The following FNBP1L variants were observed in gnomAD, a reference collection of about 807,000 sequenced individuals.
FNBP1L encodes the protein formin binding protein 1 like.
Under a neutral mutation model 91.2 loss-of-function variants are expected in FNBP1L, and 36 were observed. The observed-to-expected ratio is 0.39, with a 90% CI of 0.30 to 0.52. The LOEUF (loss-of-function observed/expected upper bound fraction) is 0.52. Among genes scored for constraint, FNBP1L ranks in the 20% least tolerant of loss-of-function variants. FNBP1L has a pLI of 0.66. For synonymous variants in FNBP1L, 242 were observed against 237.0 expected (o/e 1.02, Z -0.19); for missense variants, 571 against 732.1 (o/e 0.78, Z 2.54).
rs977875228 is a variant in FNBP1L, at chr1:93,529,728, C to G, written c.482C>G (p.Thr161Ser). 4 of 1,526,972 alleles carry G rather than the reference C, an allele frequency of 2.6e-6. No individual in the cohort carries two copies. Among genetic ancestry groups the G allele is most frequent in the East Asian group, 2.5e-5 (1 of 40,212 alleles). The allele number at this position is 1,526,972 out of a possible 1,614,324, so 94.6% of individuals were successfully genotyped here. A position where few individuals can be genotyped will look rare whatever the true frequency, so the allele number is the denominator to read the frequency against. ...QQSYERLDNDTNATKADVEKA... is the reference protein window; with the variant it reads ...QQSYERLDNDSNATKADVEKA... ...AGTTATGAAAGATTGGATAATGATA[C>G]TAATGCAACCAAGGCAGATGTTGAA... Residue 161 changes from threonine to serine, a missense_variant, in exon 6 of 17, where the codon ACT (threonine) becomes AGT (serine). By Grantham distance (58) the Thr-to-Ser change is moderately conservative (BLOSUM62 1). Coordinates refer to ENST00000271234, the MANE Select transcript of FNBP1L (RefSeq NM_001164473.3).
intron 1 of FNBP1L, among the ~76,000 whole-genome samples, chr1:93,454,118 G>A (rs1257955173): frequency 6.6e-6 from 1 of 152,200 alleles, no homozygotes; most frequent in African/African-American, 2.4e-5. Flanking sequence ...TTCATTGTCT[G>A]ATTCATTGCT....
chr1:93,489,379 T>C (rs553271667), intron 1 of FNBP1L, among the ~76,000 whole-genome samples: 2 of 151,890 alleles, frequency 1.3e-5, no homozygotes, highest in African/African-American at 4.8e-5. Flanking sequence ...TTTCAGGGAG[T>C]GACTTGACAG....
Position 93,554,651 on chromosome 1 carries a change from T to C in FNBP1L, c.*2235T>C, listed in dbSNP as rs1377371561. On this transcript the variant is annotated 3_prime_UTR_variant, in exon 17 of 17. Transcript: ENST00000271234. Reference sequence around the variant, plus strand: ...TACATGGAATAAAACAATCTTTTCATGGCCTGTTAAGGTGTTTAGTGTGTG... The same window carrying C: ...TACATGGAATAAAACAATCTTTTCACGGCCTGTTAAGGTGTTTAGTGTGTG... The C allele has an allele frequency of 2.0e-5, 3 of 152,522 alleles. No homozygotes were observed. The East Asian group carries it at 5.8e-4, about 29-fold the overall frequency. 9.4% of individuals were successfully genotyped at this position (152,522 alleles called of 1,614,324 possible). A position where few individuals can be genotyped will look rare whatever the true frequency, so the allele number is the denominator to read the frequency against.
chr1:93,530,948 A>G (rs1472440209), intron 7 of FNBP1L, 65 bp downstream of exon 7: 1 of 1,281,518 alleles, frequency 7.8e-7, no homozygotes, highest in East Asian at 2.7e-5. Flanking sequence ...AAAACTTGTA[A>G]GTCTTAGACA....
chr1:93,530,777 G>A lies in FNBP1L; in HGVS notation c.533G>A (p.Arg178His), dbSNP rs1420620030. The change falls in exon 7 of 17, where the codon CGT becomes CAT. Residue 178 changes from arginine to histidine, a missense_variant. Physicochemically the swap from Arg to His is conservative, Grantham distance 29. This residue lies in a region of FNBP1L where 220 missense variants were observed against 313.6 expected (regional missense o/e 0.70). Coordinates refer to ENST00000271234, the MANE Select transcript of FNBP1L (RefSeq NM_001164473.3). ...TAGGCCAAACAGCAGTTGAATCTGC[G>A]TACGCATATGGCCGATGAAAATAAA... ...VEKAKQQLNLRTHMADENKNE... is the reference protein window; with the variant it reads ...VEKAKQQLNLHTHMADENKNE... The A allele has an allele frequency of 3.1e-6, 5 of 1,595,594 alleles. No homozygotes were observed. Among genetic ancestry groups the A allele is most frequent in the South Asian group, 2.3e-5 (2 of 87,718 alleles).
intron 5 of FNBP1L, among the ~76,000 whole-genome samples, chr1:93,526,950 A>T (rs1021705512): frequency 6.6e-6 from 1 of 152,208 alleles, no homozygotes; most frequent in African/African-American, 2.4e-5. Flanking sequence ...CTCTGAACTC[A>T]GTTTCAGAGA....
intron 1 of FNBP1L, among the ~76,000 whole-genome samples, chr1:93,498,875 C>G (rs1670353498): frequency 6.6e-6 from 1 of 152,136 alleles, no homozygotes; most frequent in Non-Finnish European, 1.5e-5. Flanking sequence ...GGAAAACATT[C>G]AAGGAGCCTT....
At chr1:93,552,117 A>G in intron 16 of FNBP1L, 1 of 1,158,834 alleles carries the variant, frequency 8.6e-7, no homozygotes, top group Non-Finnish European at 1.1e-6. Flanking sequence ...TAGGATAGAT[A>G]AATTTTTCCA....
intron 2 of FNBP1L, 149 bp downstream of exon 2, chr1:93,499,732 T>TA: frequency 1.7e-6 from 1 of 583,670 alleles, no homozygotes; most frequent in Non-Finnish European, 3.0e-6. Context: ...AATGATTAAT[T>TA]AAGTCATTGG....
intron 2 of FNBP1L, among the ~76,000 whole-genome samples, chr1:93,514,875 A>C (rs1272555605): frequency 6.6e-6 from 1 of 152,218 alleles, no homozygotes; most frequent in Admixed American, 6.5e-5. Flanking sequence ...CTTCATGTCT[A>C]AAACACCAAA....
Position 93,542,617 on chromosome 1 carries a change from AAAGT to A in FNBP1L, c.1165-1485_1165-1482del, listed in dbSNP as rs1466811420. Among the ~76,000 whole-genome samples, 19 of 151,846 alleles carry A rather than the reference AAAGT, an allele frequency of 1.3e-4. No individual in the cohort carries two copies. In the South Asian group the frequency reaches 3.3e-3, roughly 26 times the overall value. ...CTAGGAGTGAGTTTTCTCTTTTCTG[AAAGT>A]AAGTGACTCATTCTTACACATGGTG... On this transcript the variant is annotated intron_variant, in intron 11 of 16. Coordinates refer to ENST00000271234, the MANE Select transcript of FNBP1L (RefSeq NM_001164473.3).
intron 8 of FNBP1L, among the ~76,000 whole-genome samples, chr1:93,534,360 T>G (rs1671778951): frequency 6.6e-6 from 1 of 152,180 alleles, no homozygotes; most frequent in Admixed American, 6.5e-5. Context: ...TTCTCAGAAT[T>G]TCTACTTGTT....
At chr1:93,544,472 C>T (rs1006868021) in intron 12 of FNBP1L, among the ~76,000 whole-genome samples, 1 of 152,004 alleles carries the variant, frequency 6.6e-6, no homozygotes, top group Non-Finnish European at 1.5e-5. Context: ...ATTTTATTAT[C>T]AAGAGTAGTT....
In FNBP1L at chr1:93,533,309, A is replaced by C. The variant is rs374859446; in HGVS notation, c.786+241A>C. Among the ~76,000 whole-genome samples the C allele has an allele frequency of 3.0e-4, 46 of 152,098 alleles. 1 individual carries two copies. In the East Asian group the frequency reaches 8.3e-3, roughly 27 times the overall value. ...AACTCTCTTCTCCCACTAAGTTTTCAGTTCTTATCAAAGAGTCTAACCTAG... is the reference window on the plus strand; with the variant it reads ...AACTCTCTTCTCCCACTAAGTTTTCCGTTCTTATCAAAGAGTCTAACCTAG... On this transcript the variant is annotated intron_variant, in intron 8 of 16. Transcript: ENST00000271234.
chr1:93,451,992 C>G (rs1490729478), intron 1 of FNBP1L, among the ~76,000 whole-genome samples: 1 of 152,130 alleles, frequency 6.6e-6, no homozygotes, highest in Non-Finnish European at 1.5e-5. Flanking sequence ...AAGCTTATAT[C>G]TTTTTGGAAG....
At chr1:93,467,293 A>G (rs1392823083) in intron 1 of FNBP1L, among the ~76,000 whole-genome samples, 4 of 152,260 alleles carry the variant, frequency 2.6e-5, no homozygotes, top group Non-Finnish European at 5.9e-5. Flanking sequence ...ACATACAGTG[A>G]ATATTATTCA....
At chr1:93,455,706 TAAG>T (rs1207314995) in intron 1 of FNBP1L, among the ~76,000 whole-genome samples, 2 of 152,252 alleles carry the variant, frequency 1.3e-5, no homozygotes, top group African/African-American at 4.8e-5. Flanking sequence ...AGTATTCTAA[TAAG>T]AAAATATTTT....
At chr1:93,513,618 C>T (rs1407531931) in intron 2 of FNBP1L, among the ~76,000 whole-genome samples, 19 of 151,644 alleles carry the variant, frequency 1.3e-4, no homozygotes, top group Admixed American at 2.0e-4. Context: ...GTTCAATATA[C>T]GCAAATCAAT....
At chr1:93,451,266 C>T (rs1013046572) in intron 1 of FNBP1L, among the ~76,000 whole-genome samples, 1 of 151,958 alleles carries the variant, frequency 6.6e-6, no homozygotes, top group East Asian at 1.9e-4. Context: ...AAATTACTAG[C>T]TTTTTTTTAA....
Sources: gnomAD v4.1 joint callset for allele counts (sites outside exome capture counted in the v4.1 genomes callset) on GRCh38, gnomAD v4.1.1 for gene constraint, gnomAD v4.1.1 regional missense constraint, MANE v1.5 for transcripts, NCBI Gene and HGNC (gene_info 2026-07-23, HGNC 2026-07-21) for gene names.